NCKAP5: variants seen among roughly 807,000 people sequenced by gnomAD.
NCKAP5 encodes NCK associated protein 5, also known as nck-associated protein 5.
In NCKAP5, 92 loss-of-function variants were observed where a neutral mutation model predicts 167.0. The ratio of observed to expected loss-of-function variants is 0.55; its 90% CI spans 0.47 to 0.66. NCKAP5 has a LOEUF of 0.66. NCKAP5 is among the 30% of genes least tolerant of loss of function. The pLI is 0.00. For missense variants in NCKAP5, 2,378 were observed against 2,315.0 expected (o/e 1.03, Z -0.56); for synonymous variants, 891 against 877.4 (o/e 1.02, Z -0.27).
intron 6 of NCKAP5, among the ~76,000 whole-genome samples, chr2:133,114,918 C>T (rs530411437): frequency 6.6e-6 from 1 of 152,128 alleles, no homozygotes; most frequent in Non-Finnish European, 1.5e-5. Flanking sequence ...GGTATGTTAG[C>T]ACTATTTCTG....
intron 19 of NCKAP5, among the ~76,000 whole-genome samples, chr2:132,704,319 C>T (rs1044407262): frequency 6.6e-6 from 1 of 152,116 alleles, no homozygotes; most frequent in African/African-American, 2.4e-5. Flanking sequence ...CCACCTGCCT[C>T]CCCTCCTTGT....
At chr2:132,763,778 T>C (rs1416792411) in intron 16 of NCKAP5, among the ~76,000 whole-genome samples, 1 of 152,212 alleles carries the variant, frequency 6.6e-6, no homozygotes, top group Non-Finnish European at 1.5e-5. Context: ...GTTTCTCTTA[T>C]CAGTGATCAC....
At chr2:133,589,241 C>T in the NCKAP5 span, among the ~76,000 whole-genome samples, 2 of 151,982 alleles carry the variant, frequency 1.3e-5, no homozygotes, top group African/African-American at 4.8e-5. Flanking sequence ...AGGATGAACT[C>T]GGGTTGGGAA....
rs58955655 is a variant in NCKAP5, at chr2:133,137,406, TTGTGTGTGTGTG to T, written c.208-7307_208-7296del. ...CTAAAAAAAGATGCAGAGCTTGGTT[TTGTGTGTGTGTG>T]TGTGTGTGTGTGTGTGTGTGTGTGT... On this transcript the variant is annotated intron_variant, in intron 5 of 19. Transcript: ENST00000409261. Among the ~76,000 whole-genome samples, 154 of 136,300 alleles carry T rather than the reference TTGTGTGTGTGTG, an allele frequency of 1.1e-3. 2 individuals are homozygous for T. Among genetic ancestry groups the T allele is most frequent in the Admixed American group, 2.5e-3 (34 of 13,714 alleles). 89.4% of individuals were successfully genotyped at this position (136,300 alleles called of 152,430 possible). A position where few individuals can be genotyped will look rare whatever the true frequency, so the allele number is the denominator to read the frequency against.
intron 6 of NCKAP5, among the ~76,000 whole-genome samples, chr2:133,092,654 G>A (rs1230902472): frequency 6.6e-6 from 1 of 151,972 alleles, no homozygotes; most frequent in South Asian, 2.1e-4. Flanking sequence ...ATTATGCATC[G>A]TTTTGCCTAA....
At chr2:133,107,869 T>A (rs1175372884) in intron 6 of NCKAP5, among the ~76,000 whole-genome samples, 1 of 152,194 alleles carries the variant, frequency 6.6e-6, no homozygotes, top group Non-Finnish European at 1.5e-5. Context: ...TTAAACATTA[T>A]CTAGTCCATC....
the NCKAP5 span, among the ~76,000 whole-genome samples, chr2:133,633,682 C>T: frequency 1.3e-5 from 2 of 152,182 alleles, no homozygotes; most frequent in African/African-American, 2.4e-5. Context: ...GTATCGGCTT[C>T]ATTTTATAGA....
rs911991502 is a variant in NCKAP5, at chr2:132,782,394, C to T, written c.4417G>A (p.Glu1473Lys). 6.8e-6 allele frequency: 11 copies of T among 1,613,904 alleles called. No individual in the cohort carries two copies. The highest frequency in any genetic ancestry group is 2.7e-5 in the African/African-American group (2 of 74,930). Residue 1473 changes from glutamate (E) to lysine (K), a missense_variant, in exon 14 of 20, where the codon GAA becomes AAA. By Grantham distance (56) the Glu-to-Lys change is moderately conservative (BLOSUM62 1). Coordinates refer to ENST00000409261, the MANE Select transcript of NCKAP5 (RefSeq NM_207363.3). Reference sequence around the variant, plus strand: ...TGAATGCACAACATGACCTTTTCTTCGATTGTGGGTGAGAGGGGGGCTTCT... The same window carrying T: ...TGAATGCACAACATGACCTTTTCTTTGATTGTGGGTGAGAGGGGGGCTTCT... ...SSEAPLSPTI[E>K]EKVMLCIQEN...
intron 8 of NCKAP5, among the ~76,000 whole-genome samples, chr2:132,935,147 C>T (rs1696743280): frequency 2.6e-5 from 4 of 152,176 alleles, no homozygotes; most frequent in Admixed American, 2.6e-4. Flanking sequence ...TTCTGCATTT[C>T]TCAGGAACTC....
intron 6 of NCKAP5, among the ~76,000 whole-genome samples, chr2:133,016,721 G>T (rs557755862): frequency 1.1e-3 from 169 of 152,244 alleles, no homozygotes; most frequent in Middle Eastern, 6.8e-3. Flanking sequence ...GTGTCTGAAA[G>T]GTTCCAGAAA....
chr2:133,171,104 C>A (rs1373450282), intron 5 of NCKAP5, among the ~76,000 whole-genome samples: 1 of 152,114 alleles, frequency 6.6e-6, no homozygotes, highest in Non-Finnish European at 1.5e-5. Flanking sequence ...GACATTTAAG[C>A]AGGTCAGTAG....
At chr2:133,295,000 T>G (rs1679863247) in intron 4 of NCKAP5, among the ~76,000 whole-genome samples, 1 of 152,180 alleles carries the variant, frequency 6.6e-6, no homozygotes, top group African/African-American at 2.4e-5. Context: ...AGTTAAGTCT[T>G]TTACTTGGGC....
At chr2:133,572,763 AC>A (rs1405700684), upstream of NCKAP5, among the ~76,000 whole-genome samples, 1 of 152,182 alleles carries the variant, frequency 6.6e-6, no homozygotes, top group Admixed American at 6.5e-5. Context: ...GCATAGGAAC[AC>A]CTCAGCATTC....
intron 4 of NCKAP5, among the ~76,000 whole-genome samples, chr2:133,299,480 C>G (rs1431309317): frequency 6.6e-6 from 1 of 152,134 alleles, no homozygotes; most frequent in Non-Finnish European, 1.5e-5. Flanking sequence ...GGCCCGGGGG[C>G]TCACACCTGT....
intron 3 of NCKAP5, among the ~76,000 whole-genome samples, chr2:133,363,096 C>G (rs1482148487): frequency 6.6e-6 from 1 of 152,060 alleles, no homozygotes; most frequent in African/African-American, 2.4e-5. Flanking sequence ...AACCAAGAAG[C>G]AGGCTATAGA....
At chr2:133,671,214 CAAAAA>C in the NCKAP5 span, among the ~76,000 whole-genome samples, 350 of 53,998 alleles carry the variant, frequency 6.5e-3, no homozygotes, top group African/African-American at 0.021. Flanking sequence ...GACTCCGTCT[CAAAAA>C]AAAAAAAAAA....
chr2:132,765,820 G>T (rs892103309), intron 16 of NCKAP5, among the ~76,000 whole-genome samples: 6 of 152,142 alleles, frequency 3.9e-5, no homozygotes, highest in Admixed American at 2.0e-4. Context: ...ATGTGACCAA[G>T]CACTGGCCAA....
chr2:133,016,415 G>A (rs552559389), intron 6 of NCKAP5, among the ~76,000 whole-genome samples: 59 of 152,274 alleles, frequency 3.9e-4, no homozygotes, highest in African/African-American at 1.3e-3. Flanking sequence ...TGAACAGATG[G>A]TGCATTTCAC....
intron 3 of NCKAP5, among the ~76,000 whole-genome samples, chr2:133,410,916 T>G (rs1356344742): frequency 1.3e-5 from 2 of 152,194 alleles, no homozygotes. Flanking sequence ...GCATTGGTCA[T>G]TATCAACAGT....
Sources: gnomAD v4.1 joint callset for allele counts (sites outside exome capture counted in the v4.1 genomes callset) on GRCh38, gnomAD v4.1.1 for gene constraint, MANE v1.5 for transcripts, NCBI Gene and HGNC (gene_info 2026-07-23, HGNC 2026-07-21) for gene names.